The following CTXND1 variants were observed in gnomAD, a reference collection of about 807,000 sequenced individuals.
CTXND1 encodes the protein cortexin domain containing 1, also known as cortexin domain-containing 1 protein.
At chr15:80,204,104 G>A (rs183109238) in intron 1 of CTXND1, among the ~76,000 whole-genome samples, 92 of 128,518 alleles carry the variant, frequency 7.2e-4, no homozygotes, top group Middle Eastern at 0.011. Context: ...CGGAGGTTGC[G>A]CCGCTGCACT....
intron 1 of CTXND1, among the ~76,000 whole-genome samples, chr15:80,219,119 T>C (rs1893285579): frequency 6.6e-6 from 1 of 151,368 alleles, no homozygotes; most frequent in Non-Finnish European, 1.5e-5. Context: ...TTTTTGTATT[T>C]TTTTTGGTAG....
intron 1 of CTXND1, among the ~76,000 whole-genome samples, chr15:80,226,727 A>T (rs1038054856): frequency 2.0e-5 from 3 of 152,194 alleles, no homozygotes; most frequent in Admixed American, 2.0e-4. Context: ...TCAACCTTTG[A>T]CATGAGAGTC....
intron 1 of CTXND1, among the ~76,000 whole-genome samples, chr15:80,208,704 A>G (rs568526622): frequency 6.6e-6 from 1 of 152,302 alleles, no homozygotes; most frequent in South Asian, 2.1e-4. Flanking sequence ...CATCCACAAA[A>G]CCTCTAGGAT....
rs145511671 is a variant in CTXND1, at chr15:80,231,171, G to A, written c.-218+20836C>T. On this transcript the variant is annotated intron_variant, in intron 1 of 2. Coordinates refer to ENST00000560778, the MANE Select transcript of CTXND1 (RefSeq NM_001352888.2). ...CTAGCTTAATTCTGCTCTGGAGCCT[G>A]ACCGCTGCTTCTCTGTGCCTACTTC... Among the ~76,000 whole-genome samples the A allele has an allele frequency of 1.6e-3, 241 of 151,610 alleles. 1 individual carries two copies. The highest frequency in any genetic ancestry group is 0.01 in the Middle Eastern group (3 of 294).
intron 1 of CTXND1, among the ~76,000 whole-genome samples, chr15:80,233,130 C>T (rs1284159483): frequency 2.6e-5 from 4 of 151,806 alleles, no homozygotes; most frequent in African/African-American, 9.7e-5. Flanking sequence ...TTAGTAGAGA[C>T]GGGTTTCACC....
intron 1 of CTXND1, among the ~76,000 whole-genome samples, chr15:80,221,070 G>C (rs145214695): frequency 6.6e-6 from 1 of 151,716 alleles, no homozygotes; most frequent in Admixed American, 6.6e-5. Flanking sequence ...CACCACGCTC[G>C]ACTAATTTTT....
intron 1 of CTXND1, among the ~76,000 whole-genome samples, chr15:80,214,499 C>T (rs1054794375): frequency 6.6e-6 from 1 of 151,980 alleles, no homozygotes; most frequent in African/African-American, 2.4e-5. Context: ...AACAAACCAA[C>T]AAGCTTCTTG....
intron 1 of CTXND1, among the ~76,000 whole-genome samples, chr15:80,232,452 CA>C (rs1198713056): frequency 2.0e-5 from 3 of 152,188 alleles, no homozygotes; most frequent in Non-Finnish European, 4.4e-5. Flanking sequence ...TTAACACTAA[CA>C]AACAGCCTTT....
At chr15:80,239,217 CTG>C (rs1340477476) in intron 1 of CTXND1, among the ~76,000 whole-genome samples, 1 of 152,234 alleles carries the variant, frequency 6.6e-6, no homozygotes. Flanking sequence ...CCACAGTCCT[CTG>C]TGCCTGGGTC....
At chr15:80,245,138 A>T (rs1436066926) in intron 1 of CTXND1, among the ~76,000 whole-genome samples, 12 of 152,100 alleles carry the variant, frequency 7.9e-5, no homozygotes, top group Non-Finnish European at 1.5e-5. Flanking sequence ...GGATCGTAAG[A>T]CTAACACCAG....
chr15:80,215,285 C>G (rs1893240529), intron 1 of CTXND1, among the ~76,000 whole-genome samples: 1 of 152,230 alleles, frequency 6.6e-6, no homozygotes, highest in Admixed American at 6.5e-5. Context: ...TGTTGGCCAC[C>G]ATTGGAGTTC....
intron 1 of CTXND1, among the ~76,000 whole-genome samples, chr15:80,227,731 T>C (rs1286615799): frequency 6.6e-6 from 1 of 152,244 alleles, no homozygotes; most frequent in Non-Finnish European, 1.5e-5. Context: ...ACTGATCATC[T>C]GAGGCTTCAG....
At chr15:80,215,836 C>T (rs1370710514) in intron 1 of CTXND1, among the ~76,000 whole-genome samples, 1 of 152,192 alleles carries the variant, frequency 6.6e-6, no homozygotes, top group Non-Finnish European at 1.5e-5. Flanking sequence ...TCTTTCCTCC[C>T]TCTGGACGTT....
chr15:80,248,584 T>TCTTACATGTTTAAGATGCTA, intron 1 of CTXND1, among the ~76,000 whole-genome samples: 3 of 152,338 alleles, frequency 2.0e-5, no homozygotes, highest in Admixed American at 2.0e-4. Context: ...TGGGAAAGAA[T>TCTTACATGTTTAAGATGCTA]ATCATAATTG....
intron 1 of CTXND1, among the ~76,000 whole-genome samples, chr15:80,245,475 C>T (rs533573673): frequency 1.0e-3 from 159 of 152,334 alleles, no homozygotes; most frequent in African/African-American, 3.5e-3. Context: ...GTTGGGACAG[C>T]TGGCTCCTGA....
chr15:80,219,346 C>A (rs1231762548), intron 1 of CTXND1, among the ~76,000 whole-genome samples: 1 of 152,130 alleles, frequency 6.6e-6, no homozygotes, highest in Admixed American at 6.5e-5. Context: ...TTTCCTCATG[C>A]CAATACATGT....
intron 1 of CTXND1, among the ~76,000 whole-genome samples, chr15:80,210,083 A>G (rs190401728): frequency 3.9e-5 from 6 of 152,362 alleles, no homozygotes; most frequent in Admixed American, 2.6e-4. Flanking sequence ...TTTTGGCTAC[A>G]TTTGAGGAAT....
chr15:80,225,848 T>A (rs1893365733), intron 1 of CTXND1, among the ~76,000 whole-genome samples: 1 of 152,236 alleles, frequency 6.6e-6, no homozygotes, highest in Non-Finnish European at 1.5e-5. Context: ...TTTGTTGAGA[T>A]GCTGGTTATC....
intron 1 of CTXND1, among the ~76,000 whole-genome samples, chr15:80,204,286 C>G (rs1893124053): frequency 6.9e-6 from 1 of 145,416 alleles, no homozygotes; most frequent in South Asian, 2.2e-4. Flanking sequence ...TAAAATCTAC[C>G]ATCTTGACCA....
Sources: allele counts gnomAD v4.1 joint callset (sites outside exome capture counted in the v4.1 genomes callset), GRCh38; gene constraint gnomAD v4.1.1; transcripts MANE v1.5; gene names NCBI Gene and HGNC (gene_info 2026-07-23, HGNC 2026-07-21).